Variants in CASP9 observed in about 807,000 individuals in gnomAD.
CASP9 encodes caspase-9.
In CASP9, 29 loss-of-function variants were observed where a neutral mutation model predicts 43.5. That is an observed-to-expected ratio of 0.67 (90% confidence interval 0.50 to 0.91). CASP9 has a LOEUF of 0.91. Ranked by LOEUF, CASP9 falls within the 40% of genes least tolerant of loss-of-function variation. CASP9 has a pLI of 0.00. For missense variants in CASP9, 575 were observed against 537.4 expected (o/e 1.07, Z -0.69); for synonymous variants, 206 against 211.9 (o/e 0.97, Z 0.24).
chr1:15,512,690 A>C (rs551014861), intron 2 of CASP9, among the ~76,000 whole-genome samples: 38 of 151,060 alleles, frequency 2.5e-4, no homozygotes, highest in Middle Eastern at 3.4e-3. Flanking sequence ...TACACACACA[A>C]AAAAAATGCA....
chr1:15,498,138 C>T (rs528127898), intron 6 of CASP9, among the ~76,000 whole-genome samples: 6 of 152,292 alleles, frequency 3.9e-5, no homozygotes, highest in East Asian at 1.9e-4. Context: ...GGCTGGAGTG[C>T]AGTGGTGCAA....
At chr1:15,516,864 A>G (rs1709969890) in intron 2 of CASP9, among the ~76,000 whole-genome samples, 1 of 152,210 alleles carries the variant, frequency 6.6e-6, no homozygotes, top group African/African-American at 2.4e-5. Flanking sequence ...CAGAACAGGT[A>G]AGCCCGGGCT....
At chr1:15,504,460 C>G in intron 6 of CASP9, 151 bp downstream of exon 6, 2 of 719,956 alleles carry the variant, frequency 2.8e-6, no homozygotes, top group Non-Finnish European at 2.3e-6. Context: ...TCCAGCCAGA[C>G]AGAGGTGCTG....
At chr1:15,518,833 A>C (rs1710063604) in intron 1 of CASP9, among the ~76,000 whole-genome samples, 1 of 151,528 alleles carries the variant, frequency 6.6e-6, no homozygotes, top group African/African-American at 2.4e-5. Context: ...TCATCCTGAG[A>C]CCTGTCAGGT....
intron 3 of CASP9, among the ~76,000 whole-genome samples, chr1:15,507,381 T>C (rs1255924478): frequency 6.6e-6 from 1 of 152,182 alleles, no homozygotes; most frequent in East Asian, 1.9e-4. Flanking sequence ...AGCAGAACCA[T>C]GCCCAGGCCA....
intron 2 of CASP9, among the ~76,000 whole-genome samples, chr1:15,517,745 C>T (rs1710007263): frequency 6.6e-6 from 1 of 152,058 alleles, no homozygotes; most frequent in African/African-American, 2.4e-5. Flanking sequence ...AGGCCTGTCT[C>T]CTGCCCCCAG....
intron 2 of CASP9, 21 bp downstream of exon 2, chr1:15,518,089 A>G (rs370869725): frequency 6.2e-7 from 1 of 1,610,932 alleles, no homozygotes; most frequent in Non-Finnish European, 8.5e-7. Flanking sequence ...CCCACCCACC[A>G]ATCACTCTCT....
chr1:15,518,544 G>T, intron 1 of CASP9, 149 bp from the exon 2 acceptor site: 1 of 779,730 alleles, frequency 1.3e-6, no homozygotes, highest in Non-Finnish European at 2.0e-6. Flanking sequence ...CCATTTACCA[G>T]CCTTTGCTGA....
At chr1:15,506,861 C>A (rs760491709) in intron 4 of CASP9, 38 bp downstream of exon 4, 7 of 1,510,192 alleles carry the variant, frequency 4.6e-6, no homozygotes, top group Non-Finnish European at 5.5e-6. Context: ...CCACCCACTG[C>A]CCCCCACCCT....
Position 15,524,083 on chromosome 1 carries a change from T to G in CASP9, c.118A>C (p.Ile40Leu). 2 of 1,519,646 alleles carry G rather than the reference T, an allele frequency of 1.3e-6. No homozygotes were observed. The highest frequency in any genetic ancestry group is 8.8e-7 in the Non-Finnish European group (1 of 1,137,814). 94.1% of individuals were successfully genotyped at this position (1,519,646 alleles called of 1,614,324 possible). Residue 40 changes from isoleucine to leucine, a missense_variant, in exon 1 of 9, where the codon ATC (isoleucine) becomes CTC (leucine). Transcript: ENST00000333868. Reference protein sequence around the residue: ...LSRELFRPHMIEDIQRAGSGS... With the variant: ...LSRELFRPHMLEDIQRAGSGS... ...CGGGGGCGCACCTGGATGTCCTCGATCATATGGGGCCTGAACAGCTCGCGG... is the reference window on the plus strand; with the variant it reads ...CGGGGGCGCACCTGGATGTCCTCGAGCATATGGGGCCTGAACAGCTCGCGG...
chr1:15,496,996 C>T (rs1709126156), intron 6 of CASP9, among the ~76,000 whole-genome samples: 1 of 151,928 alleles, frequency 6.6e-6, no homozygotes, highest in Non-Finnish European at 1.5e-5. Flanking sequence ...GCCTGGGTGA[C>T]AAAGCAAGAC....
In CASP9 at chr1:15,492,739, A is replaced by C; in HGVS notation, c.*204T>G. 1.5e-6 allele frequency: 1 copy of C among 670,828 alleles called. No homozygotes were observed. Among genetic ancestry groups the C allele is most frequent in the South Asian group, 2.0e-5 (1 of 49,878 alleles). 41.6% of individuals were successfully genotyped at this position (670,828 alleles called of 1,614,324 possible). A position where few individuals can be genotyped will look rare whatever the true frequency, so the allele number is the denominator to read the frequency against. On this transcript the variant is annotated 3_prime_UTR_variant, in exon 9 of 9. Transcript: ENST00000333868. ...AGGCCACGTGCAATCCACGGCATTCATCTGTCCCTCTTCCTCCACTGTTCA... is the reference window on the plus strand; with the variant it reads ...AGGCCACGTGCAATCCACGGCATTCCTCTGTCCCTCTTCCTCCACTGTTCA...
chr1:15,512,370 C>G (rs1436577180), intron 2 of CASP9, among the ~76,000 whole-genome samples: 1 of 152,188 alleles, frequency 6.6e-6, no homozygotes, highest in East Asian at 1.9e-4. Context: ...GCAGATGGCC[C>G]TCCCCAGGAT....
Position 15,524,117 on chromosome 1 carries a change from G to A in CASP9, c.84C>T (p.Ala28=). 1.3e-6 allele frequency: 2 copies of A among 1,540,332 alleles called. No homozygotes were observed. The highest frequency in any genetic ancestry group is 1.7e-6 in the Non-Finnish European group (2 of 1,147,794). ...EELQVDQLWD[A]LLSRELFRPH... ...GCCTGAACAGCTCGCGGCTCAGCAG[G>A]GCGTCCCAGAGCTGGTCCACCTGCA... Residue 28 remains alanine (A), a synonymous_variant, in exon 1 of 9, where the codon GCC becomes GCT. Coordinates refer to ENST00000333868, the MANE Select transcript of CASP9 (RefSeq NM_001229.5).
intron 8 of CASP9, 36 bp downstream of exon 8, chr1:15,493,856 C>G (rs748712343): frequency 1.9e-6 from 3 of 1,559,784 alleles, no homozygotes; most frequent in Non-Finnish European, 2.6e-6. Context: ...CCCTCAGCAG[C>G]CTCCCCTCTC....
chr1:15,523,309 T>C (rs185488001), intron 1 of CASP9, among the ~76,000 whole-genome samples: 2 of 152,246 alleles, frequency 1.3e-5, no homozygotes, highest in Admixed American at 6.5e-5. Flanking sequence ...TTAGTCCTTA[T>C]GACAGTATTA....
chr1:15,515,894 A>G (rs555347000), intron 2 of CASP9, among the ~76,000 whole-genome samples: 4 of 152,160 alleles, frequency 2.6e-5, no homozygotes, highest in Admixed American at 1.3e-4. Flanking sequence ...TATCTCTACA[A>G]AAAATTTTAA....
Position 15,504,627 on chromosome 1 carries a change from G to T in CASP9, c.852C>A (p.Ile284=), listed in dbSNP as rs779005078. Residue 284 remains isoleucine, a synonymous_variant, in exon 6 of 9, where the codon ATC becomes ATA. Coordinates refer to ENST00000333868, the MANE Select transcript of CASP9 (RefSeq NM_001229.5). ...GCTGCTTACCCCCACCACAGGCCTG[G>T]ATGAAAAAGAGCTTGGGCTTCCCTC... The part of the protein sequence containing the change: ...SLGGKPKLFF[I]QACGGEQKDH... 3.7e-6 allele frequency: 6 copies of T among 1,613,566 alleles called. No homozygotes were observed. Among genetic ancestry groups the T allele is most frequent in the Admixed American group, 3.3e-5 (2 of 59,962 alleles).
At chr1:15,515,751 A>G (rs1346539447) in intron 2 of CASP9, among the ~76,000 whole-genome samples, 2 of 152,210 alleles carry the variant, frequency 1.3e-5, no homozygotes, top group Admixed American at 6.5e-5. Flanking sequence ...GCAGTTGGTG[A>G]GATTATAAAA....
Sources: allele counts gnomAD v4.1 joint callset (sites outside exome capture counted in the v4.1 genomes callset), GRCh38; gene constraint gnomAD v4.1.1; transcripts MANE v1.5; gene names NCBI Gene and HGNC (gene_info 2026-07-23, HGNC 2026-07-21).